The following NDST3 variants were observed in gnomAD, a reference collection of about 807,000 sequenced individuals.
The protein encoded by NDST3 is bifunctional heparan sulfate N-deacetylase/N-sulfotransferase 3.
NDST3 carries 58 observed loss-of-function variants against 96.1 expected under a neutral mutation model. The ratio of observed to expected loss-of-function variants is 0.60; its 90% confidence interval spans 0.49 to 0.75. The LOEUF is 0.75. Ranked by LOEUF, NDST3 falls within the 30% of genes least tolerant of loss-of-function variation. The pLI is 0.00. For missense variants in NDST3, 788 were observed against 1,034.2 expected, an observed-to-expected ratio of 0.76 and a Z score of 3.27; for synonymous variants, 333 against 359.7, an observed-to-expected ratio of 0.93 and a Z score of 0.84.
intron 6 of NDST3, among the ~76,000 whole-genome samples, chr4:118,170,472 GCAGACCCAGCACTTTGGGAGA>G: frequency 6.6e-6 from 1 of 152,328 alleles, no homozygotes; most frequent in East Asian, 1.9e-4. Context: ...ACTTTGGGAG[GCAGACCCAGCACTTTGGGAGA>G]CAGAGGTCGG....
intron 6 of NDST3, among the ~76,000 whole-genome samples, chr4:118,153,160 T>C (rs1377374985): frequency 1.3e-5 from 2 of 152,224 alleles, no homozygotes; most frequent in East Asian, 1.9e-4. Flanking sequence ...TGAACCTCTT[T>C]GGAGAGGCTC....
chr4:118,226,199 T>C (rs1457964578), intron 7 of NDST3, among the ~76,000 whole-genome samples: 1 of 152,136 alleles, frequency 6.6e-6, no homozygotes, highest in Non-Finnish European at 1.5e-5. Context: ...ACATAATATA[T>C]ACTTTGTTCT....
intron 5 of NDST3, among the ~76,000 whole-genome samples, chr4:118,142,825 T>C (rs991266526): frequency 1.3e-5 from 2 of 152,182 alleles, no homozygotes; most frequent in East Asian, 1.9e-4. Flanking sequence ...AAAAACCTTA[T>C]CACGAGTGTA....
chr4:118,120,049 C>T (rs975177746), intron 4 of NDST3, among the ~76,000 whole-genome samples: 2 of 151,556 alleles, frequency 1.3e-5, no homozygotes, highest in African/African-American at 4.9e-5. Flanking sequence ...AGAGTTCTTC[C>T]AATCTAGATA....
At chr4:118,115,454 G>A (rs1731011968) in intron 4 of NDST3, among the ~76,000 whole-genome samples, 1 of 152,128 alleles carries the variant, frequency 6.6e-6, no homozygotes, top group African/African-American at 2.4e-5. Context: ...TCGGGATCAG[G>A]ATTAATTGAA....
At chr4:118,037,033 C>G (rs973289016) in intron 1 of NDST3, among the ~76,000 whole-genome samples, 15 of 151,876 alleles carry the variant, frequency 9.9e-5, no homozygotes, top group Non-Finnish European at 2.1e-4. Context: ...GAAAGTAGAC[C>G]TAAATTCTAG....
chr4:118,040,499 G>C (rs1311796025), intron 1 of NDST3, among the ~76,000 whole-genome samples: 1 of 152,034 alleles, frequency 6.6e-6, no homozygotes, highest in Non-Finnish European at 1.5e-5. Flanking sequence ...GTGGGCTTAT[G>C]TGCTTCCCAC....
intron 6 of NDST3, among the ~76,000 whole-genome samples, chr4:118,156,275 T>A (rs912698505): frequency 1.3e-5 from 2 of 152,170 alleles, no homozygotes; most frequent in African/African-American, 4.8e-5. Context: ...TTTGAACTCA[T>A]ACATCATTTT....
rs376079607 is a variant in NDST3 at position 118,073,352 on chromosome 4, T to C, written c.981+18461T>C. Among the ~76,000 whole-genome samples, 105 of 152,210 alleles carry C rather than the reference T, an allele frequency of 6.9e-4. 1 individual carries two copies. Among genetic ancestry groups the C allele is most frequent in the African/African-American group, 2.5e-3 (104 of 41,546 alleles). ...ATTCAGCTGTGAATCCATCTGGTCC[T>C]GGGCTTTTCCTGGTTGGTAGGCTTT... is the stretch of plus-strand genomic sequence containing the variant. On this transcript the variant is annotated intron_variant, in intron 2 of 13. Transcript: ENST00000296499.
At chr4:118,058,393 T>C (rs1399323510) in intron 2 of NDST3, among the ~76,000 whole-genome samples, 1 of 135,070 alleles carries the variant, frequency 7.4e-6, no homozygotes, top group South Asian at 2.4e-4. Flanking sequence ...AACTGTGACA[T>C]GGCACAAAGT....
intron 12 of NDST3, among the ~76,000 whole-genome samples, chr4:118,251,095 T>C (rs1240649969): frequency 6.9e-6 from 1 of 144,786 alleles, no homozygotes; most frequent in Non-Finnish European, 1.5e-5. Context: ...ATTTTTTATT[T>C]ATTTATTTAT....
In NDST3 at chr4:118,255,736, C is replaced by A; in HGVS notation, c.*24C>A. ...AGCACTGAGAGAAAACTTGAGACTT[C>A]ATCGTCCATGTAGAACACACCTTTT... On this transcript the variant is annotated 3_prime_UTR_variant, in exon 14 of 14. Transcript: ENST00000296499. 6.2e-7 allele frequency: 1 copy of A among 1,600,286 alleles called. No homozygotes were observed. Among genetic ancestry groups the A allele is most frequent in the Non-Finnish European group, 8.5e-7 (1 of 1,172,626 alleles).
intron 2 of NDST3, among the ~76,000 whole-genome samples, chr4:118,104,250 T>G (rs1422496333): frequency 1.3e-5 from 2 of 152,124 alleles, no homozygotes; most frequent in East Asian, 3.8e-4. Context: ...ACTTTCTGCC[T>G]AGTTGAAGTG....
intron 6 of NDST3, among the ~76,000 whole-genome samples, chr4:118,164,451 G>C (rs1230668141): frequency 6.6e-6 from 1 of 151,330 alleles, no homozygotes; most frequent in Non-Finnish European, 1.5e-5. Flanking sequence ...TGACATGAGA[G>C]TACCTATATA....
intron 2 of NDST3, among the ~76,000 whole-genome samples, chr4:118,094,212 A>C (rs957438828): frequency 6.6e-6 from 1 of 151,840 alleles, no homozygotes; most frequent in African/African-American, 2.4e-5. Flanking sequence ...TCTCATAGGC[A>C]TTTTGCTTAT....
At chr4:118,243,924 CG>C (rs1741153966) in intron 12 of NDST3, among the ~76,000 whole-genome samples, 1 of 152,078 alleles carries the variant, frequency 6.6e-6, no homozygotes, top group Admixed American at 6.6e-5. Context: ...TACAAAGAAC[CG>C]TAGTCCGTTT....
chr4:118,139,348 G>C (rs1355189293), intron 5 of NDST3, among the ~76,000 whole-genome samples: 1 of 152,154 alleles, frequency 6.6e-6, no homozygotes, highest in African/African-American at 2.4e-5. Context: ...GAATCATGCA[G>C]GTAATCAAGG....
intron 6 of NDST3, among the ~76,000 whole-genome samples, chr4:118,179,853 A>G (rs1275206709): frequency 4.6e-5 from 7 of 152,124 alleles, no homozygotes; most frequent in Non-Finnish European, 8.8e-5. Context: ...TGTATCCAAT[A>G]TTATATAATA....
At chr4:118,211,855 C>T (rs1738822070) in intron 6 of NDST3, among the ~76,000 whole-genome samples, 1 of 152,154 alleles carries the variant, frequency 6.6e-6, no homozygotes, top group African/African-American at 2.4e-5. Context: ...GTAAAGTGAA[C>T]GATGTGCCTG....
Sources: allele counts gnomAD v4.1 joint callset (sites outside exome capture counted in the v4.1 genomes callset), GRCh38; gene constraint gnomAD v4.1.1; transcripts MANE v1.5; gene names NCBI Gene and HGNC (gene_info 2026-07-23, HGNC 2026-07-21).